The following ZBTB40 variants were observed in gnomAD, a reference collection of about 807,000 sequenced individuals.
The protein encoded by ZBTB40 is zinc finger and BTB domain containing 40, also known as zinc finger and BTB domain-containing protein 40.
ZBTB40 carries 60 observed loss-of-function variants against 117.5 expected under a neutral mutation model. The observed-to-expected ratio is 0.51, with a 90% CI of 0.41 to 0.63. The LOEUF is 0.63. Ranked by LOEUF, ZBTB40 falls within the 30% of genes least tolerant of loss-of-function variation. The pLI is 0.00. For missense variants in ZBTB40, 1,287 were observed against 1,498.5 expected (o/e 0.86, Z 2.33); for synonymous variants, 525 against 577.1 (o/e 0.91, Z 1.29).
intron 1 of ZBTB40, among the ~76,000 whole-genome samples, chr1:22,465,727 T>G (rs1334883588): frequency 2.0e-5 from 3 of 149,592 alleles, no homozygotes; most frequent in Non-Finnish European, 4.4e-5. Flanking sequence ...CCCCCAAGAG[T>G]GCAGGGATGC....
intron 1 of ZBTB40, among the ~76,000 whole-genome samples, chr1:22,437,709 T>G (rs575770904): frequency 2.3e-4 from 35 of 151,782 alleles, no homozygotes; most frequent in African/African-American, 7.5e-4. Context: ...CGTGAGCCAC[T>G]GTTCCTGGCC....
intron 1 of ZBTB40, among the ~76,000 whole-genome samples, chr1:22,430,800 C>T (rs1194960604): frequency 6.6e-6 from 1 of 152,056 alleles, no homozygotes; most frequent in Non-Finnish European, 1.5e-5. Flanking sequence ...TGTCCTTACC[C>T]CATGGGTTAA....
intron 3 of ZBTB40, among the ~76,000 whole-genome samples, chr1:22,495,093 T>A (rs1159723654): frequency 6.6e-6 from 1 of 152,220 alleles, no homozygotes. Context: ...AATAGTCTAC[T>A]CCTGGATGTG....
At chr1:22,523,905 C>T (rs1639605782) in intron 16 of ZBTB40, among the ~76,000 whole-genome samples, 1 of 152,170 alleles carries the variant, frequency 6.6e-6, no homozygotes, top group Admixed American at 6.5e-5. Flanking sequence ...GTATCGTCAG[C>T]ATCTTTATCT....
In ZBTB40 at chr1:22,508,125, T is replaced by C. The variant is rs138084124; in HGVS notation, c.1485T>C (p.Pro495=). 8.1e-6 allele frequency: 13 copies of C among 1,613,404 alleles called. No individual in the cohort carries two copies. In the African/African-American group the frequency reaches 1.7e-4, roughly 22 times the overall value. Residue 495 remains proline, a synonymous_variant, in exon 7 of 18, where the codon CCT becomes CCC. Transcript: ENST00000375647. The part of the protein sequence containing the change: ...KMISHMTSLA[P]GEREVMEKLV... ...TCTCACACATGACAAGTTTAGCCCC[T>C]GGAGAAAGAGAGGTAAGAGAGGGAG...
intron 1 of ZBTB40, among the ~76,000 whole-genome samples, chr1:22,429,962 A>C (rs1027994466): frequency 4.6e-5 from 7 of 152,158 alleles, no homozygotes; most frequent in Non-Finnish European, 8.8e-5. Context: ...GCGCCATTGC[A>C]CTCCAGCCTG....
chr1:22,436,559 A>G (rs951404857), intron 1 of ZBTB40, among the ~76,000 whole-genome samples: 1 of 152,168 alleles, frequency 6.6e-6, no homozygotes, highest in South Asian at 2.1e-4. Flanking sequence ...CATAAACTTT[A>G]TTCATAATAC....
chr1:22,443,789 C>T (rs750834465), intron 1 of ZBTB40, among the ~76,000 whole-genome samples: 5 of 152,148 alleles, frequency 3.3e-5, no homozygotes, highest in Non-Finnish European at 7.4e-5. Flanking sequence ...TCAGGGCCTG[C>T]TATCTGTCAG....
intron 12 of ZBTB40, 100 bp from the exon 13 acceptor site, chr1:22,517,200 A>T: frequency 6.5e-7 from 1 of 1,529,354 alleles, no homozygotes. Context: ...GTCATCTACC[A>T]GATGATATTT....
At chr1:22,470,551 A>G (rs1042146981) in intron 1 of ZBTB40, among the ~76,000 whole-genome samples, 8 of 152,340 alleles carry the variant, frequency 5.3e-5, no homozygotes, top group African/African-American at 1.9e-4. Flanking sequence ...CTGATCTGGT[A>G]TAGACAGATG....
At chr1:22,433,015 ATCTTT>A (rs1640617661) in intron 1 of ZBTB40, among the ~76,000 whole-genome samples, 1 of 152,208 alleles carries the variant, frequency 6.6e-6, no homozygotes, top group Non-Finnish European at 1.5e-5. Flanking sequence ...CCTGTTCTAT[ATCTTT>A]GTAAAGTTAA....
intron 1 of ZBTB40, among the ~76,000 whole-genome samples, chr1:22,441,476 T>TTC (rs1553128688): frequency 2.9e-5 from 4 of 135,684 alleles, no homozygotes; most frequent in African/African-American, 1.1e-4. Flanking sequence ...TTGCTTTCTT[T>TTC]TTTTTTTTTT....
At chr1:22,465,347 C>T (rs984105535) in intron 1 of ZBTB40, among the ~76,000 whole-genome samples, 1 of 152,200 alleles carries the variant, frequency 6.6e-6, no homozygotes, top group Non-Finnish European at 1.5e-5. Flanking sequence ...TGTAGCTAGT[C>T]ATCCCATGTC....
intron 1 of ZBTB40, among the ~76,000 whole-genome samples, chr1:22,440,682 C>A (rs1187183985): frequency 6.7e-6 from 1 of 149,954 alleles, no homozygotes; most frequent in South Asian, 2.1e-4. Flanking sequence ...TTTTTTTAAT[C>A]ATGAAAGGGT....
At chr1:22,451,452 T>C (rs963530163), upstream of ZBTB40, among the ~76,000 whole-genome samples, 1 of 151,550 alleles carries the variant, frequency 6.6e-6, no homozygotes, top group African/African-American at 2.4e-5. Context: ...CTGGCCAACA[T>C]GGTGACATCC....
rs2124461336 is a variant in ZBTB40 at position 22,513,263 on chromosome 1, A to G, written c.2668+133A>G. 2.1e-6 allele frequency: 2 copies of G among 955,244 alleles called. No individual in the cohort carries two copies. Among genetic ancestry groups the G allele is most frequent in the Non-Finnish European group, 3.2e-6 (2 of 620,432 alleles). 59.2% of individuals were successfully genotyped at this position (955,244 alleles called of 1,614,324 possible). A position where few individuals can be genotyped will look rare whatever the true frequency, so the allele number is the denominator to read the frequency against. On this transcript the variant is annotated intron_variant, in intron 12 of 17. Transcript: ENST00000375647. This position sits in a 1 kb window ranked among gnomAD's most constrained non-coding sequence, Gnocchi z 4.9. ...CACAACAGGGTGACTAAAGTCAATA[A>G]TAACTTAATTGTACATTTTAAATAC...
chr1:22,520,319 C>T (rs1161976924), intron 14 of ZBTB40, 44 bp downstream of exon 14: 1 of 1,522,240 alleles, frequency 6.6e-7, no homozygotes, highest in Non-Finnish European at 9.0e-7. Flanking sequence ...CACCCCTGAC[C>T]TACTCTCCAT....
At chr1:22,470,613 T>A (rs1439164873) in intron 1 of ZBTB40, among the ~76,000 whole-genome samples, 6 of 152,200 alleles carry the variant, frequency 3.9e-5, no homozygotes, top group Non-Finnish European at 4.4e-5. Flanking sequence ...GAGGGTACTC[T>A]GAGAGAAAGA....
chr1:22,486,101 G>T lies in ZBTB40; in HGVS notation c.-69-3779G>T, dbSNP rs369401665. 1.6e-4 allele frequency among the ~76,000 whole-genome samples: 25 copies of T among 152,286 alleles called. No individual in the cohort carries two copies. In the South Asian group the frequency reaches 2.1e-3, roughly 13 times the overall value. On this transcript the variant is annotated intron_variant, in intron 1 of 17. Coordinates refer to ENST00000375647, the MANE Select transcript of ZBTB40 (RefSeq NM_014870.4). ...AACTGTTTTTGGGTTTTGTCTGTTT[G>T]TTTGTCTTTTAGTATGCCTTGTAAT... is the stretch of plus-strand genomic sequence containing the variant.
Sources: gnomAD v4.1 joint callset for allele counts (sites outside exome capture counted in the v4.1 genomes callset) on GRCh38, gnomAD v4.1.1 for gene constraint, Gnocchi (gnomAD v3.1) non-coding constraint, MANE v1.5 for transcripts, NCBI Gene and HGNC (gene_info 2026-07-23, HGNC 2026-07-21) for gene names.